The following GLIS3 variants were observed in gnomAD, a reference collection of about 807,000 sequenced individuals.
GLIS3 encodes the protein GLIS family zinc finger 3, also known as zinc finger protein GLIS3.
GLIS3 carries 53 observed loss-of-function variants against 78.6 expected under a neutral mutation model. The observed-to-expected ratio is 0.67, with a 90% confidence interval of 0.54 to 0.85. The LOEUF (loss-of-function observed/expected upper bound fraction) is 0.85, where lower values mean the gene tolerates loss of function less well. Ranked by LOEUF, GLIS3 falls within the 40% of genes least tolerant of loss-of-function variation. The probability of loss-of-function intolerance (pLI) is 0.00; values close to 1 mark genes in which losing one functional copy is unlikely to be tolerated. For missense variants in GLIS3, 1,703 were observed against 1,231.1 expected (o/e 1.38, Z -5.74); for synonymous variants, 684 against 509.9 (o/e 1.34, Z -4.60).
intron 4 of GLIS3, among the ~76,000 whole-genome samples, chr9:4,029,438 A>G (rs1197514122): frequency 2.0e-5 from 3 of 152,232 alleles, no homozygotes; most frequent in Non-Finnish European, 4.4e-5. Context: ...CCCCTTAAGC[A>G]TTTATCCTTC....
intron 4 of GLIS3, among the ~76,000 whole-genome samples, chr9:4,045,404 C>G (rs955195866): frequency 6.6e-6 from 1 of 151,972 alleles, no homozygotes; most frequent in Non-Finnish European, 1.5e-5. Context: ...GGTGCGATCT[C>G]GGCTCACTGC....
intron 2 of GLIS3, among the ~76,000 whole-genome samples, chr9:4,262,620 T>C (rs1825632893): frequency 6.6e-6 from 1 of 152,112 alleles, no homozygotes; most frequent in Non-Finnish European, 1.5e-5. Context: ...GAAAAAGATA[T>C]AAATTGATGA....
intron 2 of GLIS3, among the ~76,000 whole-genome samples, chr9:4,170,799 G>A (rs1042579453): frequency 6.6e-6 from 1 of 152,106 alleles, no homozygotes; most frequent in African/African-American, 2.4e-5. Context: ...TAGGCAGGAG[G>A]AATATTCAAA....
At chr9:4,251,939 C>G (rs537805417) in intron 2 of GLIS3, among the ~76,000 whole-genome samples, 3 of 152,342 alleles carry the variant, frequency 2.0e-5, no homozygotes, top group East Asian at 1.9e-4. Flanking sequence ...GGCCCCCACT[C>G]TCTTCTGGCT....
chr9:3,887,186 T>C (rs1822137760), intron 7 of GLIS3, among the ~76,000 whole-genome samples: 1 of 152,214 alleles, frequency 6.6e-6, no homozygotes. Flanking sequence ...GATAAGAGGA[T>C]AATGAAACAA....
chr9:4,149,070 C>T (rs1391164045), intron 2 of GLIS3, among the ~76,000 whole-genome samples: 1 of 152,074 alleles, frequency 6.6e-6, no homozygotes, highest in Non-Finnish European at 1.5e-5. Context: ...TAGCTATCAA[C>T]ATGGTGATCA....
the GLIS3 span, among the ~76,000 whole-genome samples, chr9:4,410,692 G>C: frequency 6.6e-6 from 1 of 152,080 alleles, no homozygotes; most frequent in East Asian, 1.9e-4. Context: ...TAGTGATCAG[G>C]GGACGTTGTC....
the GLIS3 span, among the ~76,000 whole-genome samples, chr9:4,395,533 G>A: frequency 6.6e-6 from 1 of 152,082 alleles, no homozygotes; most frequent in Non-Finnish European, 1.5e-5. Context: ...TGCAACTCCT[G>A]AGTCATTTTG....
chr9:3,824,406 C>T lies in GLIS3; in HGVS notation c.*3866G>A, dbSNP rs980299760. 1 of 152,488 alleles carries T rather than the reference C, an allele frequency of 6.6e-6. No individual in the cohort carries two copies. Among genetic ancestry groups the T allele is most frequent in the South Asian group, 2.1e-4 (1 of 4,826 alleles). The allele number at this position is 152,488 out of a possible 1,614,324, so 9.4% of individuals were successfully genotyped here. On this transcript the variant is annotated 3_prime_UTR_variant, in exon 11 of 11. Transcript: ENST00000381971. Reference sequence around the variant, plus strand: ...AAAACAAAACAAAAAAACAAACAAACAAACAATGATGGTTGCCATTGTGTT... The same window carrying T: ...AAAACAAAACAAAAAAACAAACAAATAAACAATGATGGTTGCCATTGTGTT...
At chr9:4,444,583 C>A in the GLIS3 span, among the ~76,000 whole-genome samples, 2 of 152,224 alleles carry the variant, frequency 1.3e-5, no homozygotes, top group African/African-American at 4.8e-5. Flanking sequence ...GCTGACATGA[C>A]TTCGCAGGTC....
the GLIS3 span, among the ~76,000 whole-genome samples, chr9:4,466,536 T>G: frequency 1.3e-5 from 2 of 152,228 alleles, no homozygotes; most frequent in African/African-American, 4.8e-5. Context: ...TATAAAATTT[T>G]TTTAAATGTT....
intron 7 of GLIS3, among the ~76,000 whole-genome samples, chr9:3,890,145 C>T (rs1422651410): frequency 6.6e-6 from 1 of 152,178 alleles, no homozygotes; most frequent in Non-Finnish European, 1.5e-5. Flanking sequence ...CCATCAATCC[C>T]ATTTCTCCTT....
In GLIS3 at chr9:4,118,589, G is replaced by T; in HGVS notation, c.889C>A (p.Arg297Ser). 6.2e-7 allele frequency: 1 copy of T among 1,614,228 alleles called. No homozygotes were observed. The highest frequency in any genetic ancestry group is 2.2e-5 in the East Asian group (1 of 44,872). The change falls in exon 4 of 11, where the codon CGC (arginine) becomes AGC (serine). Residue 297 changes from arginine to serine, a missense_variant. Arg to Ser is a moderately radical substitution (Grantham distance 110). Coordinates refer to ENST00000381971, the MANE Select transcript of GLIS3 (RefSeq NM_001042413.2). This position sits in a 1 kb window ranked among gnomAD's most constrained non-coding sequence, Gnocchi z 4.7. The stretch of plus-strand genomic sequence containing the variant: ...AAGGACAGCGCTCTCTTCTTGGAGC[G>T]GGCCGAGTGGGACCTGGTGGATGAG... ...RHSSTRSHSARSKKRALSLSP... is the reference protein window; with the variant it reads ...RHSSTRSHSASSKKRALSLSP...
chr9:4,476,600 G>A, the GLIS3 span, among the ~76,000 whole-genome samples: 1 of 152,094 alleles, frequency 6.6e-6, no homozygotes, highest in Non-Finnish European at 1.5e-5. Flanking sequence ...GACCTCAGGT[G>A]ATCCACTCAC....
At chr9:4,216,520 A>G (rs7048088) in intron 2 of GLIS3, among the ~76,000 whole-genome samples, 14,517 of 151,736 alleles carry the variant, frequency 0.096, 822 homozygotes, top group East Asian at 0.22. Context: ...AAAAGAAAAA[A>G]AAAAAAGAAA....
Position 3,898,806 on chromosome 9 carries a change from G to T in GLIS3, c.2013C>A (p.Asp671Glu). 1 of 1,614,170 alleles carries T rather than the reference G, an allele frequency of 6.2e-7. No individual in the cohort carries two copies. The highest frequency in any genetic ancestry group is 1.1e-5 in the South Asian group (1 of 91,080). ...GCACGGTGAGGCAATCTGTGAGCAG[G>T]TCTGGATGGAGCTCTGTGCTGGACC... ...KLRSSTELHP[D>E]LLTDCLTVQS... Residue 671 changes from aspartate to glutamate, a missense_variant, in exon 7 of 11, where the codon GAC becomes GAA. Asp to Glu is a conservative substitution (Grantham distance 45). Transcript: ENST00000381971.
chr9:3,846,352 T>G (rs972460697), intron 9 of GLIS3, among the ~76,000 whole-genome samples: 7 of 152,198 alleles, frequency 4.6e-5, no homozygotes, highest in Admixed American at 3.9e-4. Context: ...GTATATGAGT[T>G]AGGGCATGGT....
intron 2 of GLIS3, among the ~76,000 whole-genome samples, chr9:4,217,997 C>T (rs1246385604): frequency 6.6e-6 from 1 of 152,200 alleles, no homozygotes; most frequent in Non-Finnish European, 1.5e-5. Flanking sequence ...CCTTCTCCCT[C>T]CACTCACATT....
intron 2 of GLIS3, among the ~76,000 whole-genome samples, chr9:4,138,339 G>A (rs1484197930): frequency 6.6e-6 from 1 of 152,160 alleles, no homozygotes; most frequent in Admixed American, 6.5e-5. Context: ...CTAGCCCTTG[G>A]TCAAAGATCT....
Sources: gnomAD v4.1 joint callset for allele counts (sites outside exome capture counted in the v4.1 genomes callset) on GRCh38, gnomAD v4.1.1 for gene constraint, Gnocchi (gnomAD v3.1) non-coding constraint, MANE v1.5 for transcripts, NCBI Gene and HGNC (gene_info 2026-07-23, HGNC 2026-07-21) for gene names.